PTPRK: variants seen among roughly 807,000 people sequenced by gnomAD.
PTPRK encodes receptor-type tyrosine-protein phosphatase kappa.
A neutral mutation model predicts 178.0 loss-of-function variants in PTPRK; 75 were observed. The observed-to-expected ratio is 0.42, with a 90% CI of 0.35 to 0.51. The LOEUF is 0.51. Among genes scored for constraint, PTPRK ranks in the 20% least tolerant of loss-of-function variants. The probability of loss-of-function intolerance (pLI) is 0.02; values close to 1 mark genes in which losing one functional copy is unlikely to be tolerated. For synonymous variants in PTPRK, 637 were observed against 620.6 expected (o/e 1.03, Z -0.39); for missense variants, 1,441 against 1,797.8 (o/e 0.80, Z 3.59).
intron 7 of PTPRK, among the ~76,000 whole-genome samples, chr6:128,094,458 G>C (rs965304843): frequency 2.8e-4 from 43 of 152,134 alleles, no homozygotes; most frequent in African/African-American, 9.9e-4. Flanking sequence ...TTTGAGTTAT[G>C]TGAATGGATA....
intron 2 of PTPRK, among the ~76,000 whole-genome samples, chr6:128,323,968 A>G (rs185726087): frequency 6.6e-6 from 1 of 152,248 alleles, no homozygotes. Flanking sequence ...AATTTATAGA[A>G]GCAGGATGTT....
At chr6:128,135,168 T>G (rs1451435938) in intron 7 of PTPRK, among the ~76,000 whole-genome samples, 1 of 151,918 alleles carries the variant, frequency 6.6e-6, no homozygotes, top group African/African-American at 2.4e-5. Flanking sequence ...TATCACCACA[T>G]TTTGTTTTCT....
chr6:128,210,058 C>T (rs761584673), intron 6 of PTPRK, among the ~76,000 whole-genome samples: 4 of 151,904 alleles, frequency 2.6e-5, no homozygotes, highest in African/African-American at 4.8e-5. Flanking sequence ...AGAAGGTAAG[C>T]GTTCATGGAG....
chr6:128,064,709 GA>G, intron 13 of PTPRK, 48 bp downstream of exon 13: 3 of 1,554,342 alleles, frequency 1.9e-6, no homozygotes, highest in African/African-American at 1.4e-5. Flanking sequence ...TTCCATTTTA[GA>G]AAGGGGGTGA....
At chr6:128,101,303 T>G (rs1319249382) in intron 7 of PTPRK, among the ~76,000 whole-genome samples, 1 of 152,082 alleles carries the variant, frequency 6.6e-6, no homozygotes, top group Non-Finnish European at 1.5e-5. Context: ...TCCATCTGGA[T>G]GCTAATATAA....
At chr6:128,501,285 A>G (rs1855523261) in intron 1 of PTPRK, 1 of 152,318 alleles carries the variant, frequency 6.6e-6, no homozygotes, top group African/African-American at 2.4e-5. Flanking sequence ...AAGATTTTAT[A>G]TAAGATATAC....
At chr6:128,222,121 T>G (rs992535716) in intron 5 of PTPRK, among the ~76,000 whole-genome samples, 2 of 152,186 alleles carry the variant, frequency 1.3e-5, no homozygotes, top group Admixed American at 6.5e-5. Flanking sequence ...TGTACTGACT[T>G]CCAAATTCTC....
intron 1 of PTPRK, among the ~76,000 whole-genome samples, chr6:128,438,368 A>G (rs1845876849): frequency 6.6e-6 from 1 of 152,238 alleles, no homozygotes; most frequent in Admixed American, 6.5e-5. Context: ...ATTCTACTGT[A>G]AGTTTCTTCT....
Position 128,429,208 on chromosome 6 carries a change from A to T in PTPRK, c.101-31520T>A, listed in dbSNP as rs369139424. On this transcript the variant is annotated intron_variant, in intron 1 of 29. Transcript: ENST00000368226. ...GGAGGGACAGGAACACATGACCGTA[A>T]GGTACCTTCCAACTCGAAATTCTTA... Among the ~76,000 whole-genome samples, 4 of 152,314 alleles carry T rather than the reference A, an allele frequency of 2.6e-5. No homozygotes were observed. The South Asian group carries it at 6.2e-4, about 24-fold the overall frequency.
chr6:128,446,584 T>C (rs1847063993), intron 1 of PTPRK, among the ~76,000 whole-genome samples: 1 of 152,206 alleles, frequency 6.6e-6, no homozygotes, highest in African/African-American at 2.4e-5. Context: ...CGAGCAGATC[T>C]GAATAGCACA....
intron 13 of PTPRK, among the ~76,000 whole-genome samples, chr6:128,019,540 GA>G (rs11321571): frequency 0.58 from 85,400 of 146,656 alleles, 25,595 homozygotes; most frequent in African/African-American, 0.78. Context: ...GAAGCAAAAA[GA>G]AAAAAAAAAA....
chr6:128,359,345 C>CAT (rs1351258824), intron 2 of PTPRK, among the ~76,000 whole-genome samples: 8 of 152,246 alleles, frequency 5.3e-5, no homozygotes, highest in African/African-American at 1.9e-4. Flanking sequence ...TTGAGTATAA[C>CAT]AAAGTTATTC....
At chr6:128,377,256 G>A (rs1837234979) in intron 2 of PTPRK, among the ~76,000 whole-genome samples, 1 of 152,166 alleles carries the variant, frequency 6.6e-6, no homozygotes, top group African/African-American at 2.4e-5. Flanking sequence ...CATGTAGCTG[G>A]GGAGGCCTCA....
At chr6:128,110,718 A>G (rs1251049462) in intron 7 of PTPRK, among the ~76,000 whole-genome samples, 1 of 152,184 alleles carries the variant, frequency 6.6e-6, no homozygotes, top group Non-Finnish European at 1.5e-5. Context: ...GAAGAAAATG[A>G]TCAAAAACAG....
At chr6:128,189,235 C>CTTTTTTTTTTTTTTTTTT (rs71028115) in intron 6 of PTPRK, among the ~76,000 whole-genome samples, 1 of 67,466 alleles carries the variant, frequency 1.5e-5, no homozygotes, top group Non-Finnish European at 2.6e-5. Context: ...TACTCTTTTT[C>CTTTTTTTTTTTTTTTTTT]TTTTTTTTTT....
rs1774201531 is a variant in PTPRK at position 127,973,756 on chromosome 6, T to A, written c.4041A>T (p.Gly1347=). 1.2e-6 allele frequency: 2 copies of A among 1,614,030 alleles called. No individual in the cohort carries two copies. Among genetic ancestry groups the A allele is most frequent in the East Asian group, 4.5e-5 (2 of 44,872 alleles). ...LGWASHREVP[G]SKRSFLKLIL... ...TCAGTTTCAAGAATGACCTTTTGGA[T>A]CCAGGCACTTCTCGATGAGAAGCCC... Residue 1347 remains glycine (G), a synonymous_variant, in exon 28 of 30, where the codon GGA becomes GGT. Transcript: ENST00000368226.
chr6:128,041,120 G>C (rs1442759014), intron 13 of PTPRK, among the ~76,000 whole-genome samples: 1 of 151,796 alleles, frequency 6.6e-6, no homozygotes, highest in African/African-American at 2.4e-5. Context: ...CATGATTTTT[G>C]TAAGATCAAT....
intron 1 of PTPRK, among the ~76,000 whole-genome samples, chr6:128,460,380 T>G (rs1020751862): frequency 1.3e-5 from 2 of 151,664 alleles, no homozygotes; most frequent in Non-Finnish European, 2.9e-5. Flanking sequence ...TCGTCTCTAC[T>G]AAAAATAAAA....
chr6:128,520,278 G>A lies in PTPRK; in HGVS notation c.81C>T (p.Ala27=), dbSNP rs775078663. 6.2e-6 allele frequency: 10 copies of A among 1,603,676 alleles called. No individual in the cohort carries two copies. In the East Asian group the frequency reaches 2.3e-4, roughly 36 times the overall value. The change falls in exon 1 of 30, where the codon GCC becomes GCT. Residue 27 remains alanine, a synonymous_variant. Coordinates refer to ENST00000368226, the MANE Select transcript of PTPRK (RefSeq NM_002844.4). ...ACTCACCTGCGGAGAACTGGCCTTG[G>A]GCCGATCCCAGGAGAGGCCAAGGAG... is the stretch of plus-strand genomic sequence containing the variant. ...LLSPWPLLGS[A]QGQFSAGGCT...
Sources: allele counts gnomAD v4.1 joint callset (sites outside exome capture counted in the v4.1 genomes callset), GRCh38; gene constraint gnomAD v4.1.1; transcripts MANE v1.5; gene names NCBI Gene and HGNC (gene_info 2026-07-23, HGNC 2026-07-21).